The following KIAA1217 variants were observed in gnomAD, a reference collection of about 807,000 sequenced individuals.
KIAA1217 encodes KIAA1217, also known as sickle tail protein homolog.
Under a neutral mutation model 163.9 loss-of-function variants are expected in KIAA1217, and 88 were observed. That is an observed-to-expected ratio of 0.54 (90% CI 0.45 to 0.64). The LOEUF is 0.64. Among genes scored for constraint, KIAA1217 ranks in the 30% least tolerant of loss-of-function variants. The pLI, the probability that KIAA1217 is intolerant of heterozygous loss-of-function variation, is 0.00. For missense variants in KIAA1217, 2,372 were observed against 2,475.0 expected (o/e 0.96, Z 0.88); for synonymous variants, 903 against 923.1 (o/e 0.98, Z 0.39).
intron 1 of KIAA1217, among the ~76,000 whole-genome samples, chr10:24,217,911 C>T (rs915311469): frequency 6.6e-6 from 1 of 152,114 alleles, no homozygotes; most frequent in African/African-American, 2.4e-5. Flanking sequence ...TTAGTTCAGT[C>T]GTCTTCATTT....
intron 2 of KIAA1217, among the ~76,000 whole-genome samples, chr10:24,365,281 G>A (rs957446491): frequency 1.3e-5 from 2 of 152,040 alleles, no homozygotes; most frequent in Non-Finnish European, 2.9e-5. Flanking sequence ...CTGGGACTCC[G>A]GTCTCTTCCA....
At chr10:24,463,557 T>C (rs879524231) in intron 5 of KIAA1217, among the ~76,000 whole-genome samples, 1 of 152,216 alleles carries the variant, frequency 6.6e-6, no homozygotes, top group African/African-American at 2.4e-5. Flanking sequence ...CAAGATGAAT[T>C]TGAAATTTTT....
At chr10:23,862,498 T>C (rs1284221340) in intron 1 of KIAA1217, among the ~76,000 whole-genome samples, 2 of 152,174 alleles carry the variant, frequency 1.3e-5, no homozygotes, top group Non-Finnish European at 2.9e-5. Flanking sequence ...AGAGCTTTTA[T>C]CTCTCTCTTT....
chr10:23,777,311 A>C (rs558670509), intron 1 of KIAA1217, among the ~76,000 whole-genome samples: 3 of 152,334 alleles, frequency 2.0e-5, no homozygotes, highest in Admixed American at 6.5e-5. Flanking sequence ...TTTCTTTTCT[A>C]TACAGCTTTT....
intron 2 of KIAA1217, among the ~76,000 whole-genome samples, chr10:24,091,307 T>A (rs1457941354): frequency 6.6e-6 from 1 of 151,954 alleles, no homozygotes; most frequent in Non-Finnish European, 1.5e-5. Context: ...GCGACTGGCA[T>A]CCTCATCATA....
At chr10:24,437,923 A>G (rs1258853598) in intron 4 of KIAA1217, among the ~76,000 whole-genome samples, 3 of 149,328 alleles carry the variant, frequency 2.0e-5, no homozygotes, top group African/African-American at 7.3e-5. Context: ...AAAAAAAAAA[A>G]AAGAAAAAGA....
At chr10:23,946,303 AT>A (rs1844040897) in intron 1 of KIAA1217, among the ~76,000 whole-genome samples, 3 of 149,998 alleles carry the variant, frequency 2.0e-5, no homozygotes, top group Admixed American at 6.6e-5. Context: ...GCTATTTGGC[AT>A]ATAGGAAAAA....
chr10:24,484,854 G>A (rs1420290301), intron 6 of KIAA1217, among the ~76,000 whole-genome samples: 3 of 152,152 alleles, frequency 2.0e-5, no homozygotes, highest in Non-Finnish European at 2.9e-5. Flanking sequence ...CCAGCCCTTC[G>A]GATCTGAGGG....
chr10:24,314,349 G>C (rs1262703324), intron 2 of KIAA1217, among the ~76,000 whole-genome samples: 1 of 152,164 alleles, frequency 6.6e-6, no homozygotes, highest in East Asian at 1.9e-4. Context: ...AGACTTAGGG[G>C]CAGAGAAGGA....
chr10:24,068,399 A>C (rs960856868), intron 2 of KIAA1217, among the ~76,000 whole-genome samples: 3 of 152,204 alleles, frequency 2.0e-5, no homozygotes, highest in Admixed American at 6.5e-5. Flanking sequence ...TACTGAGCTC[A>C]CTGAGCATTT....
rs1181049775 is a variant in KIAA1217 at position 23,790,927 on chromosome 10, G to T, written c.-321+95693G>T. Among the ~76,000 whole-genome samples, 3 of 152,016 alleles carry T rather than the reference G, an allele frequency of 2.0e-5. No homozygotes were observed. In the East Asian group the frequency reaches 5.8e-4, roughly 29 times the overall value. On this transcript the variant is annotated intron_variant, in intron 1 of 18. Transcript: ENST00000376462. ...TTTATATATTTTTTTGTAGAGTCAGGGTTTTGCCACGTTGCCAGGGTGGTC... is the reference window on the plus strand; with the variant it reads ...TTTATATATTTTTTTGTAGAGTCAGTGTTTTGCCACGTTGCCAGGGTGGTC...
intron 1 of KIAA1217, among the ~76,000 whole-genome samples, chr10:23,894,072 A>C (rs1307955141): frequency 1.3e-5 from 2 of 151,866 alleles, no homozygotes; most frequent in Non-Finnish European, 2.9e-5. Flanking sequence ...CCCTTTGAAA[A>C]CTGGCACAAG....
chr10:24,050,690 T>C (rs1247765136), intron 2 of KIAA1217, among the ~76,000 whole-genome samples: 2 of 152,214 alleles, frequency 1.3e-5, no homozygotes, highest in Non-Finnish European at 2.9e-5. Context: ...AGTACCATGC[T>C]GTTTTGGTTA....
At chr10:23,998,682 G>C (rs1328818968) in intron 1 of KIAA1217, among the ~76,000 whole-genome samples, 1 of 152,184 alleles carries the variant, frequency 6.6e-6, no homozygotes, top group Non-Finnish European at 1.5e-5. Context: ...TGAACAACAG[G>C]GGAGAATTAG....
chr10:23,989,651 G>C (rs150354285), intron 1 of KIAA1217, among the ~76,000 whole-genome samples: 1 of 152,026 alleles, frequency 6.6e-6, no homozygotes, highest in African/African-American at 2.4e-5. Flanking sequence ...CATATTTTGG[G>C]GTATCAGTTC....
At chr10:23,790,119 A>T (rs1398156001) in intron 1 of KIAA1217, among the ~76,000 whole-genome samples, 6 of 88,698 alleles carry the variant, frequency 6.8e-5, no homozygotes, top group Admixed American at 6.0e-4. Context: ...ATGCATATAC[A>T]CATATACACA....
At chr10:24,510,035 T>C (rs1480668323) in intron 9 of KIAA1217, among the ~76,000 whole-genome samples, 1 of 152,166 alleles carries the variant, frequency 6.6e-6, no homozygotes, top group Non-Finnish European at 1.5e-5. Flanking sequence ...TAACCTGTGT[T>C]GTTCAAGTGT....
intron 1 of KIAA1217, among the ~76,000 whole-genome samples, chr10:23,765,914 C>CT (rs1324564098): frequency 1.3e-5 from 2 of 152,194 alleles, no homozygotes; most frequent in Admixed American, 6.5e-5. Context: ...AAAGCATTAA[C>CT]TTGCTATACT....
chr10:24,051,629 T>A (rs1849519812), intron 2 of KIAA1217, among the ~76,000 whole-genome samples: 1 of 152,140 alleles, frequency 6.6e-6, no homozygotes, highest in Non-Finnish European at 1.5e-5. Context: ...GTTATTTCTT[T>A]ATTTTTAAAT....
Sources: allele counts gnomAD v4.1 joint callset (sites outside exome capture counted in the v4.1 genomes callset), GRCh38; gene constraint gnomAD v4.1.1; transcripts MANE v1.5; gene names NCBI Gene and HGNC (gene_info 2026-07-23, HGNC 2026-07-21).